The following KLHL4 variants were observed in gnomAD, a reference collection of about 807,000 sequenced individuals.
KLHL4 encodes kelch-like protein 4.
KLHL4 carries 17 observed loss-of-function variants against 45.8 expected under a neutral mutation model. That is an observed-to-expected ratio of 0.37 (90% confidence interval 0.25 to 0.56). KLHL4 has a LOEUF of 0.56. KLHL4 is among the 20% of genes least tolerant of loss of function. KLHL4 has a pLI of 0.79. For synonymous variants in KLHL4, 224 were observed against 189.9 expected, an observed-to-expected ratio of 1.18 and a Z score of -1.47; for missense variants, 544 against 544.9, an observed-to-expected ratio of 1.00 and a Z score of 0.02.
At chrX:87,545,232 T>C (rs1011048960) in intron 1 of KLHL4, among the ~76,000 whole-genome samples, 18 of 112,393 alleles carry the variant, frequency 1.6e-4, no homozygotes, top group African/African-American at 5.5e-4. Flanking sequence ...ACAGACTATT[T>C]GAAAATACAC....
chrX:87,541,052 C>G (rs770886040), intron 1 of KLHL4, among the ~76,000 whole-genome samples: 20 of 110,463 alleles, frequency 1.8e-4, no homozygotes, highest in African/African-American at 6.3e-4. Context: ...GTTCTGAGTC[C>G]CCACCCAAAT....
At chrX:87,656,114 T>A (rs187842978) in intron 9 of KLHL4, among the ~76,000 whole-genome samples, 1 of 111,233 alleles carries the variant, frequency 9.0e-6, no homozygotes, top group Non-Finnish European at 1.9e-5. Context: ...TTGCTGATTT[T>A]AGGATTTTTT....
Position 87,667,929 on chromosome X carries a change from T to C in KLHL4, c.*1395T>C. On this transcript the variant is annotated 3_prime_UTR_variant, in exon 11 of 11. Coordinates refer to ENST00000373119, the MANE Select transcript of KLHL4 (RefSeq NM_019117.5). ...CTGAATTTAAATAAACTTTATTTCC[T>C]CTCACTATAGTGTGGCTTTAGAATA... 1.4e-6 allele frequency: 1 copy of C among 690,713 alleles called. No individual in the cohort carries two copies. The highest frequency in any genetic ancestry group is 8.5e-4 in the Middle Eastern group (1 of 1,175). The allele number at this position is 690,713 out of a possible 1,213,427, so 56.9% of individuals were successfully genotyped here.
At chrX:87,581,611 C>T (rs963194501) in intron 1 of KLHL4, among the ~76,000 whole-genome samples, 1 of 112,132 alleles carries the variant, frequency 8.9e-6, no homozygotes, top group Non-Finnish European at 1.9e-5. Flanking sequence ...AGACCCACTG[C>T]GGACTGCAGC....
chrX:87,536,929 A>G (rs1008991683), intron 1 of KLHL4, among the ~76,000 whole-genome samples: 1 of 111,787 alleles, frequency 8.9e-6, no homozygotes, highest in South Asian at 3.6e-4. Context: ...TTAAAATTTA[A>G]TTTATCGGTT....
intron 1 of KLHL4, among the ~76,000 whole-genome samples, chrX:87,550,376 C>CA (rs1292551713): frequency 9.1e-6 from 1 of 110,024 alleles, no homozygotes; most frequent in African/African-American, 3.3e-5. Context: ...TAATTACCAA[C>CA]AAAAAAAAGT....
chrX:87,562,062 C>T (rs1569342136), intron 1 of KLHL4, among the ~76,000 whole-genome samples: 1 of 109,079 alleles, frequency 9.2e-6, no homozygotes, highest in East Asian at 3.0e-4. Flanking sequence ...CATTTGTGAC[C>T]CAGCACATTC....
intron 9 of KLHL4, among the ~76,000 whole-genome samples, chrX:87,646,709 T>A (rs771007713): frequency 8.9e-6 from 1 of 111,858 alleles, no homozygotes; most frequent in East Asian, 2.8e-4. Context: ...AGAATGAAAC[T>A]GGATCCTCAT....
chrX:87,561,620 T>C (rs1437249998), intron 1 of KLHL4, among the ~76,000 whole-genome samples: 1 of 110,900 alleles, frequency 9.0e-6, no homozygotes, highest in Non-Finnish European at 1.9e-5. Flanking sequence ...TGTTCTGGGC[T>C]CAAAGTCAGT....
intron 1 of KLHL4, among the ~76,000 whole-genome samples, chrX:87,588,020 T>C (rs1342926524): frequency 9.0e-6 from 1 of 111,070 alleles, no homozygotes; most frequent in African/African-American, 3.3e-5. Context: ...GTGAAGAATC[T>C]GAAAAAGAAA....
At chrX:87,643,708 A>G (rs1340241857) in intron 9 of KLHL4, among the ~76,000 whole-genome samples, 1 of 112,119 alleles carries the variant, frequency 8.9e-6, no homozygotes, top group Admixed American at 9.5e-5. Flanking sequence ...ATACACCATG[A>G]TCAAGTTAGT....
chrX:87,589,009 G>GA (rs755843475), intron 1 of KLHL4, among the ~76,000 whole-genome samples: 140 of 111,399 alleles, frequency 1.3e-3, no homozygotes, highest in African/African-American at 3.3e-3. Context: ...CAAAAGATTT[G>GA]AAAAAAACAT....
chrX:87,655,780 T>C (rs1383587144), intron 9 of KLHL4, among the ~76,000 whole-genome samples: 1 of 112,106 alleles, frequency 8.9e-6, no homozygotes, highest in Non-Finnish European at 1.9e-5. Flanking sequence ...TATAAGACTT[T>C]TGAGTTTTAT....
intron 9 of KLHL4, among the ~76,000 whole-genome samples, chrX:87,655,627 T>C (rs943103045): frequency 9.0e-6 from 1 of 111,562 alleles, no homozygotes; most frequent in African/African-American, 3.3e-5. Context: ...CGGATCCTTT[T>C]TTTTAATCCA....
intron 3 of KLHL4, 76 bp downstream of exon 3, chrX:87,614,646 A>G: frequency 1.1e-6 from 1 of 909,614 alleles, no homozygotes; most frequent in Non-Finnish European, 1.5e-6. Context: ...AGTAGTAGTT[A>G]TTATTGCTAC....
intron 1 of KLHL4, among the ~76,000 whole-genome samples, chrX:87,580,392 A>G (rs1921236794): frequency 9.0e-6 from 1 of 111,061 alleles, no homozygotes; most frequent in South Asian, 3.8e-4. Flanking sequence ...TTAAACATAA[A>G]TGGATTAACC....
At chrX:87,633,246 A>T (rs1287917596) in intron 7 of KLHL4, among the ~76,000 whole-genome samples, 1 of 111,993 alleles carries the variant, frequency 8.9e-6, no homozygotes, top group Non-Finnish European at 1.9e-5. Flanking sequence ...TATTCATAAT[A>T]TTTGAAAAAA....
chrX:87,622,146 A>G, intron 4 of KLHL4, 65 bp from the exon 5 acceptor site: 2 of 684,283 alleles, frequency 2.9e-6, no homozygotes, highest in Non-Finnish European at 4.5e-6. Context: ...AAATTCTTTG[A>G]TATGCTTATT....
At chrX:87,569,334 A>G (rs111913281) in intron 1 of KLHL4, among the ~76,000 whole-genome samples, 5 of 111,564 alleles carry the variant, frequency 4.5e-5, no homozygotes, top group African/African-American at 1.3e-4. Flanking sequence ...ATTGGCATCA[A>G]TGTAGAGAAA....
Sources: gnomAD v4.1 joint callset for allele counts (sites outside exome capture counted in the v4.1 genomes callset) on GRCh38, gnomAD v4.1.1 for gene constraint, MANE v1.5 for transcripts, NCBI Gene and HGNC (gene_info 2026-07-23, HGNC 2026-07-21) for gene names.